PIP4K2A: variants seen among roughly 807,000 people sequenced by gnomAD.
PIP4K2A encodes phosphatidylinositol-5-phosphate 4-kinase type 2 alpha.
A neutral mutation model predicts 42.9 loss-of-function variants in PIP4K2A; 14 were observed. The ratio of observed to expected loss-of-function variants is 0.33; its 90% CI spans 0.22 to 0.51. PIP4K2A has a LOEUF of 0.51. Ranked by LOEUF, PIP4K2A falls within the 20% of genes least tolerant of loss-of-function variation. PIP4K2A has a pLI of 0.97. For synonymous variants in PIP4K2A, 192 were observed against 192.2 expected, an observed-to-expected ratio of 1.00 and a Z score of 0.01; for missense variants, 434 against 519.8, an observed-to-expected ratio of 0.83 and a Z score of 1.61.
At chr10:22,672,189 T>C (rs1041893908) in intron 1 of PIP4K2A, among the ~76,000 whole-genome samples, 2 of 151,822 alleles carry the variant, frequency 1.3e-5, no homozygotes, top group African/African-American at 2.4e-5. Flanking sequence ...TCTAACACAT[T>C]TAATGCCGCT....
At chr10:22,565,577 C>T (rs1484185428) in intron 6 of PIP4K2A, among the ~76,000 whole-genome samples, 2 of 152,060 alleles carry the variant, frequency 1.3e-5, no homozygotes, top group Admixed American at 6.5e-5. Flanking sequence ...GGGATAATTG[C>T]GTTAACTGCA....
intron 1 of PIP4K2A, among the ~76,000 whole-genome samples, chr10:22,702,539 G>A (rs1018648184): frequency 2.6e-5 from 4 of 152,144 alleles, no homozygotes; most frequent in South Asian, 2.1e-4. Context: ...CTTTTCTGTC[G>A]TGTTCACAAG....
chr10:22,608,146 T>C, intron 2 of PIP4K2A, 123 bp from the exon 3 acceptor site: 1 of 605,116 alleles, frequency 1.7e-6, no homozygotes, highest in Non-Finnish European at 2.9e-6. Flanking sequence ...AAAGCACAGG[T>C]GTGCTTCCTA....
At chr10:22,686,640 AT>A (rs1554809293) in intron 1 of PIP4K2A, among the ~76,000 whole-genome samples, 5 of 151,532 alleles carry the variant, frequency 3.3e-5, no homozygotes, top group African/African-American at 9.7e-5. Flanking sequence ...AGTTAAAAAA[AT>A]TTTTTTTTAG....
At chr10:22,567,336 C>A (rs530706394) in intron 6 of PIP4K2A, among the ~76,000 whole-genome samples, 5 of 152,306 alleles carry the variant, frequency 3.3e-5, no homozygotes, top group African/African-American at 1.2e-4. Flanking sequence ...ATGCAGTCTT[C>A]TTATCCTTAA....
intron 1 of PIP4K2A, among the ~76,000 whole-genome samples, chr10:22,616,306 G>C (rs1317621525): frequency 6.6e-6 from 1 of 152,096 alleles, no homozygotes; most frequent in Non-Finnish European, 1.5e-5. Context: ...CTAACCTTAC[G>C]GCTCATGCTA....
chr10:22,714,274 G>A lies in PIP4K2A; in HGVS notation c.53C>T (p.Thr18Ile). ...GSSVLASKTK[T>I]KKKHFVAQKV... ...CTGCGCTACGAAGTGCTTCTTCTTG[G>A]TCTTGGTCTTGCTCGCCAGGACAGA... Residue 18 changes from threonine (T) to isoleucine (I), a missense_variant, in exon 1 of 10, where the codon ACC becomes ATC. Around this residue, in one of 2 missense-constraint regions of PIP4K2A, gnomAD observed 395 missense variants for 444.5 expected, o/e 0.89. Transcript: ENST00000376573. The A allele has an allele frequency of 6.2e-7, 1 of 1,611,732 alleles. No homozygotes were observed. Among genetic ancestry groups the A allele is most frequent in the Non-Finnish European group, 8.5e-7 (1 of 1,178,652 alleles).
At chr10:22,703,941 G>A (rs58854363) in intron 1 of PIP4K2A, among the ~76,000 whole-genome samples, 8,518 of 152,208 alleles carry the variant, frequency 0.056, 536 homozygotes, top group African/African-American at 0.16. Context: ...TTTCTGAGAC[G>A]GGAAGAGGCC....
rs141821657 is a variant in PIP4K2A, at chr10:22,601,998, G to A, written c.339+5929C>T. On this transcript the variant is annotated intron_variant, in intron 3 of 9. Transcript: ENST00000376573. ...TTTCAAGCTGCTCCGTGCTTTACAT[G>A]GTGGGTGACGGAGGCTTGGCTCACT... Among the ~76,000 whole-genome samples the A allele has an allele frequency of 4.1e-3, 626 of 152,252 alleles. 2 individuals carry two copies. The highest frequency in any genetic ancestry group is 0.015 in the African/African-American group (609 of 41,528).
chr10:22,709,668 G>A (rs534005466), intron 1 of PIP4K2A, among the ~76,000 whole-genome samples: 1 of 152,294 alleles, frequency 6.6e-6, no homozygotes, highest in South Asian at 2.1e-4. Flanking sequence ...TTTAGTAACT[G>A]TAAGTACTAA....
At position 22,536,170 on chromosome 10, in the gene PIP4K2A, C is replaced by T; in HGVS notation, c.*1031G>A. 1 of 398,432 alleles carries T rather than the reference C, an allele frequency of 2.5e-6. No homozygotes were observed. The allele number at this position is 398,432 out of a possible 1,614,324, so 24.7% of individuals were successfully genotyped here. A position where few individuals can be genotyped will look rare whatever the true frequency, so the allele number is the denominator to read the frequency against. On this transcript the variant is annotated 3_prime_UTR_variant, in exon 10 of 10. Transcript: ENST00000376573. ...AAAATCCCATTGTTGAAACAATGGT[C>T]AAACATAAACATCTTATAATTCAGA... is the stretch of plus-strand genomic sequence containing the variant.
At chr10:22,569,888 C>A (rs1043623288) in intron 5 of PIP4K2A, among the ~76,000 whole-genome samples, 1 of 152,064 alleles carries the variant, frequency 6.6e-6, no homozygotes, top group African/African-American at 2.4e-5. Context: ...GCCAGATGTA[C>A]AGGTTCCATC....
intron 1 of PIP4K2A, among the ~76,000 whole-genome samples, chr10:22,617,928 C>T (rs1838214361): frequency 6.6e-6 from 1 of 152,072 alleles, no homozygotes; most frequent in Admixed American, 6.5e-5. Flanking sequence ...AATTCAATAA[C>T]AAAAATAACC....
intron 1 of PIP4K2A, among the ~76,000 whole-genome samples, chr10:22,687,758 G>A (rs1839792001): frequency 6.6e-6 from 1 of 152,140 alleles, no homozygotes; most frequent in Non-Finnish European, 1.5e-5. Context: ...CAAATATAAA[G>A]TAAATGCTAT....
At chr10:22,687,580 CA>C (rs1306102576) in intron 1 of PIP4K2A, among the ~76,000 whole-genome samples, 1 of 152,042 alleles carries the variant, frequency 6.6e-6, no homozygotes, top group Non-Finnish European at 1.5e-5. Context: ...CATGCAAACA[CA>C]CACACAAATT....
intron 3 of PIP4K2A, among the ~76,000 whole-genome samples, chr10:22,597,103 C>G (rs1216081857): frequency 1.3e-5 from 2 of 152,228 alleles, no homozygotes; most frequent in Admixed American, 6.5e-5. Flanking sequence ...GTTATTTACA[C>G]TTTTATTAAC....
chr10:22,627,513 C>A (rs765302975), intron 1 of PIP4K2A, among the ~76,000 whole-genome samples: 5 of 145,098 alleles, frequency 3.4e-5, no homozygotes. Flanking sequence ...TAATACATTG[C>A]CTTTCCCTGC....
At chr10:22,688,781 A>G (rs1369200519) in intron 1 of PIP4K2A, among the ~76,000 whole-genome samples, 1 of 152,194 alleles carries the variant, frequency 6.6e-6, no homozygotes, top group African/African-American at 2.4e-5. Flanking sequence ...AAGTTGTGAC[A>G]TTTCAACAAT....
intron 1 of PIP4K2A, among the ~76,000 whole-genome samples, chr10:22,645,806 T>G (rs768818116): frequency 4.0e-5 from 6 of 151,752 alleles, no homozygotes; most frequent in Non-Finnish European, 8.8e-5. Context: ...ACTCAGTTGA[T>G]CCTCCCACCT....
Sources: gnomAD v4.1 joint callset for allele counts (sites outside exome capture counted in the v4.1 genomes callset) on GRCh38, gnomAD v4.1.1 for gene constraint, gnomAD v4.1.1 regional missense constraint, MANE v1.5 for transcripts, NCBI Gene and HGNC (gene_info 2026-07-23, HGNC 2026-07-21) for gene names.